Variants in SOX5 observed in about 807,000 individuals in gnomAD.
SOX5 encodes SRY-box transcription factor 5.
Under a neutral mutation model 92.0 loss-of-function variants are expected in SOX5, and 9 were observed. The ratio of observed to expected loss-of-function variants is 0.10; its 90% CI spans 0.06 to 0.17. The LOEUF is 0.17. Among genes scored for constraint, SOX5 ranks in the 10% least tolerant of loss-of-function variants. SOX5 has a pLI of 1.00. For missense variants in SOX5, 642 were observed against 944.5 expected, an observed-to-expected ratio of 0.68 and a Z score of 4.20; for synonymous variants, 344 against 336.3, an observed-to-expected ratio of 1.02 and a Z score of -0.25.
At chr12:24,115,607 A>T (rs572569106) in intron 4 of SOX5, among the ~76,000 whole-genome samples, 16 of 152,330 alleles carry the variant, frequency 1.1e-4, no homozygotes, top group African/African-American at 3.8e-4. Context: ...GAAGCCAGAA[A>T]GTGTGAGAAA....
intron 4 of SOX5, among the ~76,000 whole-genome samples, chr12:24,151,172 G>A (rs1205413292): frequency 2.0e-5 from 3 of 152,066 alleles, no homozygotes; most frequent in African/African-American, 4.8e-5. Flanking sequence ...TAGTCATGAC[G>A]AACTGGGAAA....
At chr12:24,080,789 T>G (rs774240198) in intron 4 of SOX5, among the ~76,000 whole-genome samples, 26 of 151,962 alleles carry the variant, frequency 1.7e-4, no homozygotes, top group Non-Finnish European at 2.6e-4. Context: ...AAATATTTGA[T>G]AAGCAAAGCT....
At chr12:24,562,196 C>T (rs993594089) in intron 1 of SOX5, 1 of 152,532 alleles carries the variant, frequency 6.6e-6, no homozygotes, top group Non-Finnish European at 1.5e-5. Context: ...CCCTCCTCCG[C>T]GGCTCTCCAG....
intron 1 of SOX5, among the ~76,000 whole-genome samples, chr12:23,902,336 G>C (rs1020014460): frequency 6.6e-6 from 1 of 151,998 alleles, no homozygotes; most frequent in African/African-American, 2.4e-5. Flanking sequence ...CCTTTGACTA[G>C]ATAATACACA....
intron 3 of SOX5, among the ~76,000 whole-genome samples, chr12:24,243,263 A>G (rs74068466): frequency 0.013 from 2,043 of 152,292 alleles, 52 homozygotes; most frequent in African/African-American, 0.045. Flanking sequence ...TAACAATTTT[A>G]ACAATCAAAA....
chr12:24,076,324 G>A (rs1214907422), intron 4 of SOX5, among the ~76,000 whole-genome samples: 1 of 152,130 alleles, frequency 6.6e-6, no homozygotes, highest in Admixed American at 6.6e-5. Flanking sequence ...GAGCATTAAA[G>A]ACTTGGCAAG....
chr12:24,135,737 A>G (rs951561490), intron 4 of SOX5, among the ~76,000 whole-genome samples: 6 of 152,150 alleles, frequency 3.9e-5, no homozygotes, highest in Admixed American at 3.9e-4. Context: ...AAAGCAGCAT[A>G]TGGTCTGGAC....
chr12:24,404,530 T>C (rs376455260), intron 1 of SOX5, among the ~76,000 whole-genome samples: 10 of 152,216 alleles, frequency 6.6e-5, no homozygotes, highest in South Asian at 4.1e-4. Flanking sequence ...CACCACCTGA[T>C]GTCTAAGAGC....
chr12:23,902,737 TTA>T (rs1441682650), intron 1 of SOX5, among the ~76,000 whole-genome samples: 2 of 152,158 alleles, frequency 1.3e-5, no homozygotes, highest in East Asian at 3.8e-4. Flanking sequence ...CCATTTCACT[TTA>T]TGTCACCAAA....
intron 4 of SOX5, among the ~76,000 whole-genome samples, chr12:24,056,640 C>T (rs893039773): frequency 2.0e-5 from 3 of 152,038 alleles, no homozygotes; most frequent in Non-Finnish European, 2.9e-5. Flanking sequence ...GCACAAACTT[C>T]TATGGGCCTC....
chr12:24,437,106 A>G (rs888096834), intron 1 of SOX5, among the ~76,000 whole-genome samples: 1 of 152,208 alleles, frequency 6.6e-6, no homozygotes, highest in Non-Finnish European at 1.5e-5. Context: ...AAAAGAGATG[A>G]ATATTGTTTT....
chr12:24,480,318 A>G (rs932401388), intron 1 of SOX5, among the ~76,000 whole-genome samples: 5 of 152,202 alleles, frequency 3.3e-5, no homozygotes, highest in Non-Finnish European at 5.9e-5. Context: ...AAAAGAAAAC[A>G]TTGGGGTAAA....
At chr12:24,445,513 T>G (rs1261363394) in intron 1 of SOX5, among the ~76,000 whole-genome samples, 1 of 152,164 alleles carries the variant, frequency 6.6e-6, no homozygotes, top group African/African-American at 2.4e-5. Flanking sequence ...GAGTCCAGAA[T>G]AGGTTAAACA....
intron 10 of SOX5, among the ~76,000 whole-genome samples, chr12:23,571,123 G>A (rs909287504): frequency 2.0e-5 from 3 of 147,726 alleles, no homozygotes; most frequent in Admixed American, 6.8e-5. Flanking sequence ...CACTCCAGCC[G>A]GGACAACAGA....
intron 2 of SOX5, among the ~76,000 whole-genome samples, chr12:24,340,832 C>T (rs1382201993): frequency 1.3e-5 from 2 of 152,148 alleles, no homozygotes; most frequent in African/African-American, 4.8e-5. Flanking sequence ...CAAGGGAAGC[C>T]TAATTGTCTG....
At chr12:23,701,484 T>C (rs1465185536) in intron 6 of SOX5, among the ~76,000 whole-genome samples, 1 of 152,080 alleles carries the variant, frequency 6.6e-6, no homozygotes, top group Non-Finnish European at 1.5e-5. Context: ...ATAACTCACA[T>C]ATCAAAAACT....
At chr12:23,664,592 G>T (rs2083523811) in intron 7 of SOX5, among the ~76,000 whole-genome samples, 1 of 151,986 alleles carries the variant, frequency 6.6e-6, no homozygotes, top group African/African-American at 2.4e-5. Context: ...TTTTTCAAAT[G>T]ATGTATTTTT....
chr12:24,200,025 G>A (rs11047311), intron 4 of SOX5, among the ~76,000 whole-genome samples: 24,730 of 152,072 alleles, frequency 0.16, 2,348 homozygotes, highest in African/African-American at 0.27. Context: ...AAAACTGGGG[G>A]AAAAATATCA....
intron 7 of SOX5, among the ~76,000 whole-genome samples, chr12:23,645,183 G>A (rs1039647784): frequency 6.6e-6 from 1 of 152,094 alleles, no homozygotes; most frequent in Non-Finnish European, 1.5e-5. Context: ...ACTAATCCAG[G>A]CTTCAATCTT....
Sources: gnomAD v4.1 joint callset for allele counts (sites outside exome capture counted in the v4.1 genomes callset) on GRCh38, gnomAD v4.1.1 for gene constraint, MANE v1.5 for transcripts, NCBI Gene and HGNC (gene_info 2026-07-23, HGNC 2026-07-21) for gene names.